The following DLG1 variants were observed in gnomAD, a reference collection of about 807,000 sequenced individuals.
DLG1 encodes the protein disks large homolog 1.
In DLG1, 42 loss-of-function variants were observed where a neutral mutation model predicts 123.4. The observed-to-expected ratio is 0.34, with a 90% CI of 0.27 to 0.44. DLG1 has a LOEUF of 0.44. Among genes scored for constraint, DLG1 ranks in the 20% least tolerant of loss-of-function variants. The probability of loss-of-function intolerance (pLI) is 1.00; values close to 1 mark genes in which losing one functional copy is unlikely to be tolerated. For missense variants in DLG1, 942 were observed against 1,082.6 expected (o/e 0.87, Z 1.82); for synonymous variants, 317 against 356.2 (o/e 0.89, Z 1.24).
intron 4 of DLG1, among the ~76,000 whole-genome samples, chr3:197,275,721 A>C (rs1394071465): frequency 6.6e-6 from 1 of 152,216 alleles, no homozygotes; most frequent in Non-Finnish European, 1.5e-5. Context: ...GTAGAATGGT[A>C]GTTTATCAGA....
At chr3:197,174,299 TA>T (rs997049478) in intron 5 of DLG1, among the ~76,000 whole-genome samples, 1 of 152,018 alleles carries the variant, frequency 6.6e-6, no homozygotes, top group Non-Finnish European at 1.5e-5. Flanking sequence ...TAGTCTACAA[TA>T]AAAATAAGCC....
At chr3:197,173,759 A>C (rs183745655) in intron 5 of DLG1, among the ~76,000 whole-genome samples, 1 of 152,352 alleles carries the variant, frequency 6.6e-6, no homozygotes, top group Admixed American at 6.5e-5. Flanking sequence ...TGTAGTTCAA[A>C]AGTAGTCATA....
At chr3:197,093,736 G>T (rs762450557) in intron 14 of DLG1, among the ~76,000 whole-genome samples, 1 of 152,034 alleles carries the variant, frequency 6.6e-6, no homozygotes, top group Non-Finnish European at 1.5e-5. Context: ...TCTCAGTTCT[G>T]TTCTTACCAT....
intron 14 of DLG1, among the ~76,000 whole-genome samples, chr3:197,096,796 T>C (rs1175328517): frequency 1.3e-5 from 2 of 152,244 alleles, no homozygotes; most frequent in Non-Finnish European, 2.9e-5. Flanking sequence ...ACTAGCTTCA[T>C]AAACTATATG....
intron 20 of DLG1, among the ~76,000 whole-genome samples, 165 bp downstream of exon 20, chr3:197,066,539 T>C (rs1459869301): frequency 1.3e-5 from 2 of 152,164 alleles, no homozygotes; most frequent in Non-Finnish European, 2.9e-5. Flanking sequence ...TAATATTCTG[T>C]GGAGTAAACT....
At position 197,045,899 on chromosome 3, in the gene DLG1, A is replaced by C. The variant is rs139861967; in HGVS notation, c.2576-1170T>G. Among the ~76,000 whole-genome samples, 3 of 152,318 alleles carry C rather than the reference A, an allele frequency of 2.0e-5. No individual in the cohort carries two copies. The East Asian group carries it at 5.8e-4, about 29-fold the overall frequency. ...TGAAAAACTGAGCATAAAATGTCAA[A>C]GGGGGATTTTAAATAATACTGTCTA... On this transcript the variant is annotated intron_variant, in intron 24 of 24. Coordinates refer to ENST00000667157, the MANE Select transcript of DLG1 (RefSeq NM_001366207.1).
intron 23 of DLG1, among the ~76,000 whole-genome samples, chr3:197,054,921 T>G (rs1730612711): frequency 6.6e-6 from 1 of 152,136 alleles, no homozygotes; most frequent in African/African-American, 2.4e-5. Context: ...GTTCAAGCGA[T>G]TCTCGTGCCT....
At chr3:197,237,509 C>T (rs1310302078) in intron 4 of DLG1, among the ~76,000 whole-genome samples, 2 of 152,142 alleles carry the variant, frequency 1.3e-5, no homozygotes, top group Non-Finnish European at 2.9e-5. Flanking sequence ...AGCTAAACAC[C>T]ACAGAAAAAA....
chr3:197,086,835 G>A (rs1345106992), intron 15 of DLG1, among the ~76,000 whole-genome samples: 1 of 152,096 alleles, frequency 6.6e-6, no homozygotes, highest in Non-Finnish European at 1.5e-5. Flanking sequence ...TAGTACAAAT[G>A]TCAAGACATT....
intron 4 of DLG1, among the ~76,000 whole-genome samples, chr3:197,228,798 ATATTT>A (rs932747334): frequency 1.3e-5 from 2 of 152,306 alleles, no homozygotes; most frequent in African/African-American, 4.8e-5. Context: ...CTAAGAAACA[ATATTT>A]AAGTAATAAT....
At chr3:197,233,638 G>C (rs1047044520) in intron 4 of DLG1, among the ~76,000 whole-genome samples, 1 of 152,158 alleles carries the variant, frequency 6.6e-6, no homozygotes, top group East Asian at 1.9e-4. Context: ...GCCCACCTTG[G>C]CCTCCCAAAG....
At chr3:197,129,624 C>T (rs1319023874) in intron 11 of DLG1, among the ~76,000 whole-genome samples, 2 of 152,200 alleles carry the variant, frequency 1.3e-5, no homozygotes, top group Non-Finnish European at 2.9e-5. Flanking sequence ...CTAGCTTTCT[C>T]CCTTTATTGC....
At chr3:197,208,113 GAAAA>G (rs58523246) in intron 4 of DLG1, among the ~76,000 whole-genome samples, 11 of 139,624 alleles carry the variant, frequency 7.9e-5, no homozygotes, top group African/African-American at 2.5e-4. Flanking sequence ...ACAATTTAGA[GAAAA>G]AAAAAAATCA....
Position 197,118,576 on chromosome 3 carries a change from A to G in DLG1, c.1286+834T>C, listed in dbSNP as rs563360473. On this transcript the variant is annotated intron_variant, in intron 12 of 24. Transcript: ENST00000667157. Reference sequence around the variant, plus strand: ...ACAATAATGTAATCAATAAACGTTAAGAACAGACATTACTTAGTACACATT... The same window carrying G: ...ACAATAATGTAATCAATAAACGTTAGGAACAGACATTACTTAGTACACATT... Among the ~76,000 whole-genome samples, 9 of 152,366 alleles carry G rather than the reference A, an allele frequency of 5.9e-5. No homozygotes were observed. In the South Asian group the frequency reaches 6.2e-4, roughly 11 times the overall value.
intron 4 of DLG1, among the ~76,000 whole-genome samples, chr3:197,235,068 T>C (rs1367066429): frequency 6.6e-6 from 1 of 152,060 alleles, no homozygotes; most frequent in Non-Finnish European, 1.5e-5. Context: ...AAAAAATACA[T>C]GCCACAACAG....
chr3:197,275,153 C>A (rs557183959), intron 4 of DLG1, among the ~76,000 whole-genome samples: 70 of 150,122 alleles, frequency 4.7e-4, no homozygotes, highest in South Asian at 3.6e-3. Context: ...GCCACTGCAC[C>A]CCAGCCTGGG....
chr3:197,160,208 T>C (rs895233963), intron 5 of DLG1, among the ~76,000 whole-genome samples: 24 of 152,196 alleles, frequency 1.6e-4, no homozygotes, highest in African/African-American at 5.8e-4. Context: ...TAAGTTAGGG[T>C]TGCTTGGAGT....
At chr3:197,298,266 G>T in intron 1 of DLG1, 1 of 368,896 alleles carries the variant, frequency 2.7e-6, no homozygotes, top group Non-Finnish European at 4.8e-6. Flanking sequence ...CGGGTCGGGG[G>T]AGGGCAGGGG....
At chr3:197,247,515 C>T (rs1382885842) in intron 4 of DLG1, among the ~76,000 whole-genome samples, 1 of 152,054 alleles carries the variant, frequency 6.6e-6, no homozygotes, top group African/African-American at 2.4e-5. Flanking sequence ...CAACACAGGG[C>T]ATAATCTATT....
Sources: gnomAD v4.1 joint callset for allele counts (sites outside exome capture counted in the v4.1 genomes callset) on GRCh38, gnomAD v4.1.1 for gene constraint, MANE v1.5 for transcripts, NCBI Gene and HGNC (gene_info 2026-07-23, HGNC 2026-07-21) for gene names.